Variants in FARP2 observed in about 807,000 individuals in gnomAD.
The protein encoded by FARP2 is FERM, ARH/RhoGEF and pleckstrin domain protein 2, also known as FERM, ARHGEF and pleckstrin domain-containing protein 2.
Under a neutral mutation model 130.5 loss-of-function variants are expected in FARP2, and 111 were observed. The observed-to-expected ratio is 0.85, with a 90% confidence interval of 0.73 to 1.00. The LOEUF (loss-of-function observed/expected upper bound fraction) is 1.00. Among genes scored for constraint, FARP2 ranks in the 50% least tolerant of loss-of-function variants. FARP2 has a pLI of 0.00. For missense variants in FARP2, 1,385 were observed against 1,346.3 expected (o/e 1.03, Z -0.45); for synonymous variants, 504 against 516.9 (o/e 0.98, Z 0.34).
chr2:241,366,052 C>T (rs924525929), intron 1 of FARP2, among the ~76,000 whole-genome samples: 3 of 98,616 alleles, frequency 3.0e-5, no homozygotes, highest in East Asian at 2.6e-4. Context: ...CCTGAGAGTT[C>T]GAGACCAGCC....
In FARP2 at chr2:241,373,178, T is replaced by C. The variant is rs542172960; in HGVS notation, c.71T>C (p.Val24Ala). 3.3e-4 allele frequency: 515 copies of C among 1,576,402 alleles called. 9 individuals carry two copies. In the South Asian group the frequency reaches 5.5e-3, roughly 17 times the overall value. The change falls in exon 2 of 27, where the codon GTG (valine) becomes GCG (alanine). Residue 24 changes from valine (V) to alanine (A), a missense_variant. Val to Ala is a moderately conservative substitution (Grantham distance 64, BLOSUM62 0). Coordinates refer to ENST00000264042, the MANE Select transcript of FARP2 (RefSeq NM_014808.4). Reference protein sequence around the residue: ...AGMRLGAQTPVGVSTLEPGQT... With the variant: ...AGMRLGAQTPAGVSTLEPGQT... Reference sequence around the variant, plus strand: ...ATGCGCTTGGGTGCCCAGACCCCTGTGGGAGTTAGCACCCTTGAGCCTGGG... The same window carrying C: ...ATGCGCTTGGGTGCCCAGACCCCTGCGGGAGTTAGCACCCTTGAGCCTGGG...
At chr2:241,454,116 AC>A (rs2063768681) in intron 13 of FARP2, among the ~76,000 whole-genome samples, 1 of 151,396 alleles carries the variant, frequency 6.6e-6, no homozygotes, top group Admixed American at 6.6e-5. Context: ...CAGCCCTATT[AC>A]CCCACCCTAG....
intron 2 of FARP2, among the ~76,000 whole-genome samples, chr2:241,393,267 G>T (rs947782291): frequency 2.0e-5 from 3 of 152,022 alleles, no homozygotes; most frequent in Admixed American, 2.0e-4. Context: ...TGATCCACCC[G>T]CCTCGGTCTC....
At chr2:241,394,272 A>C (rs554810459) in intron 2 of FARP2, among the ~76,000 whole-genome samples, 1 of 152,310 alleles carries the variant, frequency 6.6e-6, no homozygotes, top group Admixed American at 6.5e-5. Flanking sequence ...TAATCCCAGC[A>C]CTTTGGGAGG....
chr2:241,442,200 G>C (rs189322722), intron 13 of FARP2: 1 of 456,466 alleles, frequency 2.2e-6, no homozygotes, highest in Non-Finnish European at 4.4e-6. Context: ...GTGGTGGGCT[G>C]TCTGTGCACA....
Position 241,441,540 on chromosome 2 carries a change from A to G in FARP2, c.1395A>G (p.Ala465=), listed in dbSNP as rs574391255. 2.5e-6 allele frequency: 4 copies of G among 1,613,376 alleles called. No individual in the cohort carries two copies. The highest frequency in any genetic ancestry group is 1.7e-6 in the Non-Finnish European group (2 of 1,179,886). ...TPSAQPLGPP[A]LQPGPGLSTK... ...CGGCCCAGCCCCTCGGGCCCCCCGCACTCCAGCCTGGTCCAGGTGTCGGGT... is the reference window on the plus strand; with the variant it reads ...CGGCCCAGCCCCTCGGGCCCCCCGCGCTCCAGCCTGGTCCAGGTGTCGGGT... The change falls in exon 13 of 27, where the codon GCA becomes GCG. Residue 465 remains alanine, a synonymous_variant. Coordinates refer to ENST00000264042, the MANE Select transcript of FARP2 (RefSeq NM_014808.4).
At chr2:241,374,082 C>G (rs971354375) in intron 2 of FARP2, among the ~76,000 whole-genome samples, 1 of 150,962 alleles carries the variant, frequency 6.6e-6, no homozygotes, top group Non-Finnish European at 1.5e-5. Flanking sequence ...TGCGATCATG[C>G]CTCACTGCAG....
chr2:241,428,638 T>A (rs905532427), intron 8 of FARP2, among the ~76,000 whole-genome samples: 3 of 151,906 alleles, frequency 2.0e-5, no homozygotes, highest in Non-Finnish European at 4.4e-5. Context: ...TTTTTTTTTT[T>A]AATTGAGATA....
chr2:241,364,786 TTTC>T (rs1233864052), intron 1 of FARP2, among the ~76,000 whole-genome samples: 1 of 152,240 alleles, frequency 6.6e-6, no homozygotes, highest in African/African-American at 2.4e-5. Context: ...CTTTTCATTT[TTTC>T]TTGACAACTA....
intron 13 of FARP2, chr2:241,446,989 T>G: frequency 6.6e-6 from 1 of 152,218 alleles, no homozygotes; most frequent in East Asian, 1.9e-4. Flanking sequence ...TACATTTGAA[T>G]TTGTTCATTT....
intron 8 of FARP2, among the ~76,000 whole-genome samples, chr2:241,429,598 A>G (rs1027664670): frequency 6.6e-6 from 1 of 152,076 alleles, no homozygotes; most frequent in Non-Finnish European, 1.5e-5. Flanking sequence ...TTCTGTATAC[A>G]AAGTTGTTTT....
rs10692211 is a variant in FARP2, at chr2:241,378,416, A to ATTTTTTTTTTTTTTTTT, written c.183+5139_183+5140insTTTTTTTTTTTTTTTTT. On this transcript the variant is annotated intron_variant, in intron 2 of 26. Coordinates refer to ENST00000264042, the MANE Select transcript of FARP2 (RefSeq NM_014808.4). ...AGGTGCCAGCCACCATGCCTGGCCT[A>ATTTTTTTTTTTTTTTTT]TTTTTTTTTTTTTGAGTCAGGATCT... Among the ~76,000 whole-genome samples, 7 of 107,666 alleles carry ATTTTTTTTTTTTTTTTT rather than the reference A, an allele frequency of 6.5e-5. 1 individual carries two copies. Among genetic ancestry groups the ATTTTTTTTTTTTTTTTT allele is most frequent in the Non-Finnish European group, 9.2e-5 (5 of 54,530 alleles). 70.6% of individuals were successfully genotyped at this position (107,666 alleles called of 152,430 possible).
intron 18 of FARP2, among the ~76,000 whole-genome samples, chr2:241,474,744 A>G (rs1279253078): frequency 1.3e-5 from 2 of 151,872 alleles, no homozygotes; most frequent in South Asian, 2.1e-4. Context: ...GTGAGCCAAG[A>G]TCGTGCCACT....
chr2:241,465,720 C>T lies in FARP2; in HGVS notation c.1893+1740C>T, dbSNP rs955678898. 2.3e-5 allele frequency: 36 copies of T among 1,550,756 alleles called. No individual in the cohort carries two copies. The Admixed American group carries it at 3.9e-4, about 17-fold the overall frequency. ...TGACCGCCCAAGGTGTGGAGCTCTGCATAACACCATGAAGCTGAGCCACAG... is the reference window on the plus strand; with the variant it reads ...TGACCGCCCAAGGTGTGGAGCTCTGTATAACACCATGAAGCTGAGCCACAG... On this transcript the variant is annotated intron_variant, in intron 17 of 26. Coordinates refer to ENST00000264042, the MANE Select transcript of FARP2 (RefSeq NM_014808.4).
At chr2:241,423,335 C>G (rs1013909685) in intron 8 of FARP2, among the ~76,000 whole-genome samples, 1 of 152,176 alleles carries the variant, frequency 6.6e-6, no homozygotes, top group African/African-American at 2.4e-5. Flanking sequence ...AAATTTCCAA[C>G]CCAGAATTTC....
chr2:241,394,146 G>T (rs2150333005), intron 2 of FARP2, among the ~76,000 whole-genome samples: 1 of 152,246 alleles, frequency 6.6e-6, no homozygotes, highest in South Asian at 2.1e-4. Context: ...AGTGATTATT[G>T]TAGTCCACCT....
intron 2 of FARP2, among the ~76,000 whole-genome samples, chr2:241,396,698 G>C (rs1274617232): frequency 6.6e-6 from 1 of 152,226 alleles, no homozygotes; most frequent in Admixed American, 6.5e-5. Context: ...GTGCTGGAGA[G>C]GATGTGGAGA....
intron 17 of FARP2, chr2:241,466,164 T>C: frequency 1.1e-5 from 12 of 1,064,576 alleles, no homozygotes; most frequent in Non-Finnish European, 1.4e-5. Flanking sequence ...AGACCCCAGG[T>C]TGGGATCAGG....
At chr2:241,382,437 C>T (rs1288559182) in intron 2 of FARP2, among the ~76,000 whole-genome samples, 1 of 151,918 alleles carries the variant, frequency 6.6e-6, no homozygotes, top group Non-Finnish European at 1.5e-5. Context: ...ATGTGTGCCA[C>T]CATGCCCGGC....
Sources: allele counts gnomAD v4.1 joint callset (sites outside exome capture counted in the v4.1 genomes callset), GRCh38; gene constraint gnomAD v4.1.1; transcripts MANE v1.5; gene names NCBI Gene and HGNC (gene_info 2026-07-23, HGNC 2026-07-21).